Variants in IL1RAPL2 observed in about 807,000 individuals in gnomAD.
IL1RAPL2 encodes interleukin 1 receptor accessory protein like 2.
A neutral mutation model predicts 44.1 loss-of-function variants in IL1RAPL2; 3 were observed. That is an observed-to-expected ratio of 0.07 (90% CI 0.03 to 0.18). The LOEUF is 0.18. Ranked by LOEUF, IL1RAPL2 falls within the 10% of genes least tolerant of loss-of-function variation. The pLI is 1.00. For synonymous variants in IL1RAPL2, 181 were observed against 178.8 expected (o/e 1.01, Z -0.10); for missense variants, 391 against 496.4 (o/e 0.79, Z 2.02).
chrX:104,988,329 C>T (rs926008042), intron 2 of IL1RAPL2, among the ~76,000 whole-genome samples: 1 of 112,227 alleles, frequency 8.9e-6, no homozygotes, highest in Admixed American at 9.4e-5. Context: ...TCTACTTGCT[C>T]ACTAAACACT....
At chrX:105,621,711 T>C (rs2037419632) in intron 6 of IL1RAPL2, among the ~76,000 whole-genome samples, 1 of 111,246 alleles carries the variant, frequency 9.0e-6, no homozygotes, top group Non-Finnish European at 1.9e-5. Flanking sequence ...ATCTACTTGG[T>C]TTTGTTATTT....
intron 6 of IL1RAPL2, among the ~76,000 whole-genome samples, chrX:105,485,853 G>C (rs770453463): frequency 2.1e-4 from 23 of 111,761 alleles, no homozygotes; most frequent in Non-Finnish European, 4.0e-4. Flanking sequence ...TTATCCATCT[G>C]TCTGTTGATG....
chrX:104,608,057 G>T (rs931279779), intron 1 of IL1RAPL2, among the ~76,000 whole-genome samples: 2 of 111,616 alleles, frequency 1.8e-5, no homozygotes, highest in African/African-American at 6.5e-5. Flanking sequence ...CCATAAAAAA[G>T]GATGAGTTCA....
At position 105,388,356 on chromosome X, in the gene IL1RAPL2, A is replaced by AT. The variant is rs772573698; in HGVS notation, c.698-95928dup. 9.4e-3 allele frequency among the ~76,000 whole-genome samples: 574 copies of AT among 61,253 alleles called. 24 individuals carry two copies. The highest frequency in any genetic ancestry group is 0.036 in the East Asian group (66 of 1,857). The allele number at this position is 61,253 out of a possible 115,157, so 53.2% of individuals were successfully genotyped here. On this transcript the variant is annotated intron_variant, in intron 5 of 10. Coordinates refer to ENST00000372582, the MANE Select transcript of IL1RAPL2 (RefSeq NM_017416.2). ...CAAACCAAATATTTTACCAAAGCAGATTTTTTTTTTTTTTTTTTTTTTTTT... is the reference window on the plus strand; with the variant it reads ...CAAACCAAATATTTTACCAAAGCAGATTTTTTTTTTTTTTTTTTTTTTTTTT...
At chrX:105,463,571 CACACA>C (rs1345724886) in intron 5 of IL1RAPL2, among the ~76,000 whole-genome samples, 22 of 1,879 alleles carry the variant, frequency 0.012, no homozygotes, top group African/African-American at 0.018. Flanking sequence ...CTCTCTCTCC[CACACA>C]CACACACACA....
At chrX:104,839,616 A>T (rs1181043288) in intron 2 of IL1RAPL2, among the ~76,000 whole-genome samples, 1 of 111,965 alleles carries the variant, frequency 8.9e-6, no homozygotes, top group Non-Finnish European at 1.9e-5. Context: ...TGAGTTAGGG[A>T]GGAGTCCCTC....
intron 2 of IL1RAPL2, among the ~76,000 whole-genome samples, chrX:105,041,422 C>T (rs762034754): frequency 8.2e-5 from 9 of 110,422 alleles, no homozygotes; most frequent in African/African-American, 2.6e-4. Flanking sequence ...GAGTTCGATT[C>T]CTGGGTATCC....
chrX:105,098,203 A>G (rs1181010007), intron 2 of IL1RAPL2, among the ~76,000 whole-genome samples: 4 of 112,014 alleles, frequency 3.6e-5, no homozygotes, highest in African/African-American at 1.3e-4. Context: ...ATCTCCTTCA[A>G]GGAGACTCAG....
chrX:104,829,177 G>GA (rs1018781371), intron 2 of IL1RAPL2, among the ~76,000 whole-genome samples: 10 of 110,170 alleles, frequency 9.1e-5, no homozygotes, highest in East Asian at 5.7e-4. Flanking sequence ...ACTGGGGTAT[G>GA]AAAAAAAAAC....
At chrX:105,649,770 G>A (rs1307455041) in intron 6 of IL1RAPL2, among the ~76,000 whole-genome samples, 2 of 111,569 alleles carry the variant, frequency 1.8e-5, no homozygotes, top group Non-Finnish European at 3.8e-5. Context: ...GTCATGTCAA[G>A]GGAAAGGTCA....
chrX:104,848,441 ATATATATAT>A (rs1922124999), intron 2 of IL1RAPL2, among the ~76,000 whole-genome samples: 1 of 74,125 alleles, frequency 1.3e-5, no homozygotes, highest in African/African-American at 4.4e-5. Flanking sequence ...ATATATATAT[ATATATATAT>A]AACTTAAACA....
intron 4 of IL1RAPL2, among the ~76,000 whole-genome samples, chrX:105,258,366 T>C (rs974881713): frequency 8.9e-6 from 1 of 111,889 alleles, no homozygotes; most frequent in Non-Finnish European, 1.9e-5. Context: ...TTTAACATTC[T>C]TTCTTTCACT....
At chrX:104,786,251 C>A (rs1371343420) in intron 2 of IL1RAPL2, among the ~76,000 whole-genome samples, 1 of 111,424 alleles carries the variant, frequency 9.0e-6, no homozygotes, top group Non-Finnish European at 1.9e-5. Context: ...TTATTGGCAT[C>A]CCCGGATTTT....
chrX:104,931,961 T>A lies in IL1RAPL2; in HGVS notation c.83-263514T>A, dbSNP rs1469829620. Among the ~76,000 whole-genome samples the A allele has an allele frequency of 1.3e-4, 12 of 95,867 alleles. No homozygotes were observed. In the East Asian group the frequency reaches 4.0e-3, roughly 32 times the overall value. 83.2% of individuals were successfully genotyped at this position (95,867 alleles called of 115,157 possible). On this transcript the variant is annotated intron_variant, in intron 2 of 10. Coordinates refer to ENST00000372582, the MANE Select transcript of IL1RAPL2 (RefSeq NM_017416.2). ...GGGAAACTATGAGTGTGTGTGTGTG[T>A]GTGTGTGTGTGTGTTTGTATATATA...
At chrX:105,653,056 T>C (rs1168438925) in intron 6 of IL1RAPL2, among the ~76,000 whole-genome samples, 1 of 111,563 alleles carries the variant, frequency 9.0e-6, no homozygotes, top group Admixed American at 9.6e-5. Flanking sequence ...AATACTGCTT[T>C]TGTTCACAAT....
intron 6 of IL1RAPL2, among the ~76,000 whole-genome samples, chrX:105,543,020 T>C (rs2036758258): frequency 9.0e-6 from 1 of 111,643 alleles, no homozygotes; most frequent in Admixed American, 9.6e-5. Flanking sequence ...TACCACTGTT[T>C]AATGAAATAA....
chrX:105,080,717 G>A (rs768753317), intron 2 of IL1RAPL2, among the ~76,000 whole-genome samples: 10 of 111,408 alleles, frequency 9.0e-5, no homozygotes, highest in South Asian at 3.8e-4. Flanking sequence ...TTTTGGTTCC[G>A]TAGGAAATTG....
chrX:104,703,697 A>G (rs1931317093), intron 2 of IL1RAPL2, among the ~76,000 whole-genome samples: 1 of 112,344 alleles, frequency 8.9e-6, no homozygotes, highest in Admixed American at 9.5e-5. Context: ...ACTGAAATGA[A>G]CTATATCACT....
At chrX:105,194,918 G>A (rs2033661704) in intron 2 of IL1RAPL2, among the ~76,000 whole-genome samples, 1 of 111,263 alleles carries the variant, frequency 9.0e-6, no homozygotes, top group South Asian at 3.8e-4. Context: ...CTTGGGCAAA[G>A]TCATTTAACT....
Sources: allele counts gnomAD v4.1 joint callset (sites outside exome capture counted in the v4.1 genomes callset), GRCh38; gene constraint gnomAD v4.1.1; transcripts MANE v1.5; gene names NCBI Gene and HGNC (gene_info 2026-07-23, HGNC 2026-07-21).